TMTC1: variants seen among roughly 807,000 people sequenced by gnomAD.
TMTC1 encodes transmembrane O-mannosyltransferase targeting cadherins 1, also known as protein O-mannosyl-transferase TMTC1.
A neutral mutation model predicts 104.8 loss-of-function variants in TMTC1; 73 were observed. The observed-to-expected ratio is 0.70, with a 90% CI of 0.58 to 0.85. The LOEUF (loss-of-function observed/expected upper bound fraction) is 0.85. Among genes scored for constraint, TMTC1 ranks in the 40% least tolerant of loss-of-function variants. The pLI is 0.00. For missense variants in TMTC1, 1,035 were observed against 1,096.1 expected, an observed-to-expected ratio of 0.94 and a Z score of 0.79; for synonymous variants, 434 against 428.7, an observed-to-expected ratio of 1.01 and a Z score of -0.15.
At chr12:29,724,103 G>A (rs891053712) in intron 5 of TMTC1, among the ~76,000 whole-genome samples, 4 of 152,074 alleles carry the variant, frequency 2.6e-5, no homozygotes, top group African/African-American at 4.8e-5. Context: ...TTGAAAAGGC[G>A]CTTCGCAGGA....
intron 7 of TMTC1, among the ~76,000 whole-genome samples, chr12:29,584,174 T>A (rs1946061763): frequency 6.6e-6 from 1 of 152,184 alleles, no homozygotes; most frequent in Non-Finnish European, 1.5e-5. Context: ...GATGCATTGA[T>A]ATGCCTAGCT....
In TMTC1 at chr12:29,755,777, T is replaced by C. The variant is rs763735008; in HGVS notation, c.663A>G (p.Thr221=). 1 of 1,614,084 alleles carries C rather than the reference T, an allele frequency of 6.2e-7. No individual in the cohort carries two copies. The highest frequency in any genetic ancestry group is 1.1e-5 in the South Asian group (1 of 91,086). ...LGTCAMLVKE[T]GITVFGVCLV... ...AGCACACTCCAAACACCGTGATGCC[T>C]GTCTCTTTCACCAGCATCGCACAGG... The change falls in exon 4 of 18, where the codon ACA becomes ACG. Residue 221 remains threonine (T), a synonymous_variant. Coordinates refer to ENST00000539277, the MANE Select transcript of TMTC1 (RefSeq NM_001193451.2).
chr12:29,708,329 C>A (rs917767706), intron 5 of TMTC1, among the ~76,000 whole-genome samples: 3 of 152,152 alleles, frequency 2.0e-5, no homozygotes, highest in African/African-American at 7.2e-5. Context: ...AAAGCTACCA[C>A]AAAACTTAAT....
At chr12:29,550,933 C>CAAAAAAAAAAAAAAAAAA (rs200605964) in intron 10 of TMTC1, among the ~76,000 whole-genome samples, 1 of 108,332 alleles carries the variant, frequency 9.2e-6, no homozygotes, top group African/African-American at 4.0e-5. Context: ...GACTCCATCT[C>CAAAAAAAAAAAAAAAAAA]AAAAAAAAAA....
At chr12:29,771,737 T>C (rs1943599271) in intron 1 of TMTC1, among the ~76,000 whole-genome samples, 1 of 152,116 alleles carries the variant, frequency 6.6e-6, no homozygotes, top group Admixed American at 6.5e-5. Flanking sequence ...GTCAGAGGAC[T>C]TTTTAAACAC....
chr12:29,724,612 A>G (rs1942330859), intron 5 of TMTC1, among the ~76,000 whole-genome samples: 1 of 152,250 alleles, frequency 6.6e-6, no homozygotes, highest in Admixed American at 6.5e-5. Context: ...CAGCAATAAC[A>G]AAGATGGGTC....
chr12:29,675,083 G>A (rs1163598699), intron 5 of TMTC1, among the ~76,000 whole-genome samples: 2 of 152,054 alleles, frequency 1.3e-5, no homozygotes, highest in Non-Finnish European at 2.9e-5. Flanking sequence ...GAATAACATT[G>A]GTTTCTGTCT....
intron 5 of TMTC1, among the ~76,000 whole-genome samples, chr12:29,724,403 T>C (rs1207326043): frequency 2.0e-5 from 3 of 152,134 alleles, no homozygotes; most frequent in East Asian, 3.9e-4. Context: ...TTTGTAAGAA[T>C]ACAACCTAAG....
intron 10 of TMTC1, among the ~76,000 whole-genome samples, chr12:29,550,681 G>C (rs1003552413): frequency 1.1e-4 from 17 of 152,096 alleles, no homozygotes; most frequent in Non-Finnish European, 2.4e-4. Context: ...AGCATAAATG[G>C]GGGGCCCTGA....
chr12:29,559,521 G>C (rs1217594456), intron 9 of TMTC1, among the ~76,000 whole-genome samples: 1 of 152,200 alleles, frequency 6.6e-6, no homozygotes, highest in African/African-American at 2.4e-5. Context: ...AGTAAGAAGA[G>C]AAGTAAAGAG....
At chr12:29,559,986 A>C (rs376584771) in intron 9 of TMTC1, among the ~76,000 whole-genome samples, 4 of 152,352 alleles carry the variant, frequency 2.6e-5, no homozygotes, top group African/African-American at 9.6e-5. Context: ...GACCTGTGCA[A>C]GGACAAAATT....
At chr12:29,605,958 T>C (rs1946687699) in intron 6 of TMTC1, among the ~76,000 whole-genome samples, 1 of 152,148 alleles carries the variant, frequency 6.6e-6, no homozygotes, top group Admixed American at 6.5e-5. Flanking sequence ...TGAGAATATG[T>C]GGTATTTGGT....
At chr12:29,547,936 T>C (rs1384224742) in intron 10 of TMTC1, among the ~76,000 whole-genome samples, 2 of 152,228 alleles carry the variant, frequency 1.3e-5, no homozygotes. Flanking sequence ...AACAGTGTCA[T>C]ATTCTTCACT....
chr12:29,723,771 A>G (rs892557507), intron 5 of TMTC1, among the ~76,000 whole-genome samples: 1 of 152,168 alleles, frequency 6.6e-6, no homozygotes, highest in Non-Finnish European at 1.5e-5. Flanking sequence ...ATGTGTAAGT[A>G]GAAATTTAAT....
At chr12:29,557,148 G>T in intron 9 of TMTC1, 148 bp from the exon 10 acceptor site, 1 of 852,776 alleles carries the variant, frequency 1.2e-6, no homozygotes. Context: ...AATCTTACTG[G>T]TCAACGACTT....
chr12:29,709,862 G>C (rs1240526484), intron 5 of TMTC1, among the ~76,000 whole-genome samples: 1 of 152,134 alleles, frequency 6.6e-6, no homozygotes, highest in African/African-American at 2.4e-5. Flanking sequence ...GTTTCTTGAG[G>C]TTGCTATAGG....
chr12:29,672,751 T>A (rs1940566450), intron 5 of TMTC1, among the ~76,000 whole-genome samples: 1 of 152,170 alleles, frequency 6.6e-6, no homozygotes, highest in Admixed American at 6.5e-5. Context: ...AGGGGCCAAG[T>A]AGGACATTTG....
At chr12:29,673,806 C>G (rs974421062) in intron 5 of TMTC1, among the ~76,000 whole-genome samples, 1 of 120,522 alleles carries the variant, frequency 8.3e-6, no homozygotes, top group African/African-American at 3.2e-5. Context: ...GCTGCCCAGG[C>G]TGGGGTGCAA....
At chr12:29,776,838 A>C (rs923214677) in intron 1 of TMTC1, among the ~76,000 whole-genome samples, 1 of 152,174 alleles carries the variant, frequency 6.6e-6, no homozygotes, top group Non-Finnish European at 1.5e-5. Flanking sequence ...TAAGCCCTGC[A>C]CAGATCTGGG....
Sources: gnomAD v4.1 joint callset for allele counts (sites outside exome capture counted in the v4.1 genomes callset) on GRCh38, gnomAD v4.1.1 for gene constraint, MANE v1.5 for transcripts, NCBI Gene and HGNC (gene_info 2026-07-23, HGNC 2026-07-21) for gene names.